FIZ1: variants seen among roughly 807,000 people sequenced by gnomAD.
FIZ1 encodes the protein FLT3 interacting zinc finger 1, also known as flt3-interacting zinc finger protein 1.
A neutral mutation model predicts 5.3 loss-of-function variants in FIZ1; 2 were observed. That is an observed-to-expected ratio of 0.37 (90% CI 0.15 to 1.18). The LOEUF (loss-of-function observed/expected upper bound fraction) is 1.18. FIZ1 is among the 50% of genes most tolerant of loss of function. FIZ1 has a pLI of 0.37. For synonymous variants in FIZ1, 407 were observed against 364.2 expected, an observed-to-expected ratio of 1.12 and a Z score of -1.34; for missense variants, 631 against 749.7, an observed-to-expected ratio of 0.84 and a Z score of 1.85.
In FIZ1 at chr19:55,592,838, G is replaced by A. The variant is rs759661669; in HGVS notation, c.1103C>T (p.Ala368Val). 1 of 1,563,322 alleles carries A rather than the reference G, an allele frequency of 6.4e-7. No homozygotes were observed. Among genetic ancestry groups the A allele is most frequent in the East Asian group, 2.3e-5 (1 of 42,916 alleles). The change falls in exon 3 of 3, where the codon GCG (alanine) becomes GTG (valine). Residue 368 changes from alanine to valine, a missense_variant. By Grantham distance (64) the Ala-to-Val change is moderately conservative. Transcript: ENST00000221665. This position sits in a 1 kb window ranked among gnomAD's most constrained non-coding sequence, Gnocchi z 6.9. ...GTGCTCCTCCAAGGCGGCCAGCGCC[G>A]CGTACAGAGCCCCGCAGTGGCCGCA... is the stretch of plus-strand genomic sequence containing the variant. ...YGCGHCGALY[A>V]ALAALEEHRR...
In FIZ1 at chr19:55,591,451, A is replaced by C. The variant is rs938638406; in HGVS notation, c.*999T>G. ...ACGAGGGGGCAAGGTCGAGGCTCAC[A>C]GGGGCACCCCCTAGCCAAATGCCCC... On this transcript the variant is annotated 3_prime_UTR_variant, in exon 3 of 3. Transcript: ENST00000221665. 1.3e-5 allele frequency: 2 copies of C among 152,370 alleles called. No homozygotes were observed. Among genetic ancestry groups the C allele is most frequent in the Admixed American group, 6.5e-5 (1 of 15,282 alleles). The allele number at this position is 152,370 out of a possible 1,614,324, so 9.4% of individuals were successfully genotyped here.
At chr19:55,595,315 C>G (rs775869741) in intron 2 of FIZ1, among the ~76,000 whole-genome samples, 4 of 152,142 alleles carry the variant, frequency 2.6e-5, no homozygotes, top group Non-Finnish European at 4.4e-5. Context: ...GTAGGGATCT[C>G]TATCCTCTTT....
At chr19:55,594,297 G>A (rs1408566322) in intron 2 of FIZ1, among the ~76,000 whole-genome samples, 1 of 151,782 alleles carries the variant, frequency 6.6e-6, no homozygotes, top group East Asian at 1.9e-4. Context: ...CACTCAGGAG[G>A]CTGAGGTAGA....
At position 55,593,165 on chromosome 19, in the gene FIZ1, G is replaced by T; in HGVS notation, c.776C>A (p.Pro259Gln). ...TGGCCCCGCGGCCCAGGCCTGCGCTGGGGGCGCGCCCGGGCCCTGCAGGTC... is the reference window on the plus strand; with the variant it reads ...TGGCCCCGCGGCCCAGGCCTGCGCTTGGGGCGCGCCCGGGCCCTGCAGGTC... ...THDLQGPGAPPAQAWAAGPGA... is the reference protein window; with the variant it reads ...THDLQGPGAPQAQAWAAGPGA... The change falls in exon 3 of 3, where the codon CCA becomes CAA. Residue 259 changes from proline (P) to glutamine (Q), a missense_variant. Physicochemically the swap from Pro to Gln is moderately conservative, Grantham distance 76. Around this residue, in one of 4 missense-constraint regions of FIZ1, gnomAD observed 463 missense variants for 455.1 expected, o/e 1.02. Coordinates refer to ENST00000221665, the MANE Select transcript of FIZ1 (RefSeq NM_032836.3). The surrounding 1 kb of genome is among the most constrained non-coding windows in gnomAD (Gnocchi z 6.3). The T allele has an allele frequency of 8.6e-7, 1 of 1,164,044 alleles. No homozygotes were observed. The highest frequency in any genetic ancestry group is 1.1e-6 in the Non-Finnish European group (1 of 940,286). 72.1% of individuals were successfully genotyped at this position (1,164,044 alleles called of 1,614,324 possible). A position where few individuals can be genotyped will look rare whatever the true frequency, so the allele number is the denominator to read the frequency against.
Position 55,593,018 on chromosome 19 carries a change from A to AGCCCCCCGAGCTTGGGCACGCC in FIZ1, c.901_922dup (p.Leu308ArgfsTer83). 2 of 1,450,312 alleles carry AGCCCCCCGAGCTTGGGCACGCC rather than the reference A, an allele frequency of 1.4e-6. No individual in the cohort carries two copies. The highest frequency in any genetic ancestry group is 1.8e-6 in the Non-Finnish European group (2 of 1,110,226). 89.8% of individuals were successfully genotyped at this position (1,450,312 alleles called of 1,614,324 possible). On this transcript the variant is annotated frameshift_variant, in exon 3 of 3. Transcript: ENST00000221665. LOFTEE classifies it low-confidence loss of function (END_TRUNC). This position sits in a 1 kb window ranked among gnomAD's most constrained non-coding sequence, Gnocchi z 6.3. ...CGCCTCCCCACCGCCCTCGGGGAGC[A>AGCCCCCCGAGCTTGGGCACGCC]GCCCCCCGAGCTTGGGCACGCCGCC...
intron 2 of FIZ1, among the ~76,000 whole-genome samples, chr19:55,595,122 G>A (rs981999340): frequency 6.6e-6 from 1 of 152,204 alleles, no homozygotes; most frequent in South Asian, 2.1e-4. Flanking sequence ...AACAGAGAGA[G>A]ATTTGTGAGT....
intron 2 of FIZ1, among the ~76,000 whole-genome samples, chr19:55,597,031 T>C (rs1426991009): frequency 6.6e-6 from 1 of 152,252 alleles, no homozygotes; most frequent in Non-Finnish European, 1.5e-5. Flanking sequence ...CTTGCCAGCA[T>C]ACTTGCTTTC....
Position 55,592,348 on chromosome 19 carries a change from T to G in FIZ1, c.*102A>C. 8.4e-7 allele frequency: 1 copy of G among 1,190,802 alleles called. No individual in the cohort carries two copies. Among genetic ancestry groups the G allele is most frequent in the Non-Finnish European group, 1.1e-6 (1 of 877,124 alleles). 73.8% of individuals were successfully genotyped at this position (1,190,802 alleles called of 1,614,324 possible). The stretch of plus-strand genomic sequence containing the variant: ...CTCATTTCAGGGCCTGCGTCTGGAT[T>G]TGGATTTGGAGGGCCGGGGCCTCAC... On this transcript the variant is annotated 3_prime_UTR_variant, in exon 3 of 3. Coordinates refer to ENST00000221665, the MANE Select transcript of FIZ1 (RefSeq NM_032836.3). The surrounding 1 kb of genome is among the most constrained non-coding windows in gnomAD (Gnocchi z 6.9).
chr19:55,594,855 G>T (rs10451452), intron 2 of FIZ1, among the ~76,000 whole-genome samples: 1 of 151,860 alleles, frequency 6.6e-6, no homozygotes, highest in African/African-American at 2.4e-5. Context: ...CTGAATACAG[G>T]CCTTAGGTGT....
Position 55,593,215 on chromosome 19 carries a change from C to T in FIZ1, c.726G>A (p.Leu242=). The T allele has an allele frequency of 8.2e-7, 1 of 1,221,528 alleles. No homozygotes were observed. Among genetic ancestry groups the T allele is most frequent in the Non-Finnish European group, 1.0e-6 (1 of 971,016 alleles). 75.7% of individuals were successfully genotyped at this position (1,221,528 alleles called of 1,614,324 possible). A position where few individuals can be genotyped will look rare whatever the true frequency, so the allele number is the denominator to read the frequency against. ...CGTGCGTCAGCTTGTGCCGCTCCAG[C>T]AGCGCGGGCGCGTTGAAGTCGCGCT... ...RCERDFNAPA[L]LERHKLTHDL... Residue 242 remains leucine, a synonymous_variant, in exon 3 of 3, where the codon CTG becomes CTA. Transcript: ENST00000221665. The surrounding 1 kb of genome is among the most constrained non-coding windows in gnomAD (Gnocchi z 6.3).
chr19:55,593,674 G>A lies in FIZ1; in HGVS notation c.295-28C>T, dbSNP rs759415322. The A allele has an allele frequency of 5.8e-6, 9 of 1,544,526 alleles. No individual in the cohort carries two copies. In the Admixed American group the frequency reaches 1.4e-4, roughly 24 times the overall value. ...AGGGGTGCGGGAGGAAGGGCACAAC[G>A]TCAGGGCTGAGAACCTAGCCCGGAC... On this transcript the variant is annotated intron_variant, in intron 2 of 2. Coordinates refer to ENST00000221665, the MANE Select transcript of FIZ1 (RefSeq NM_032836.3). The surrounding 1 kb of genome is among the most constrained non-coding windows in gnomAD (Gnocchi z 6.3).
Position 55,593,235 on chromosome 19 carries a change from C to T in FIZ1, c.706G>A (p.Asp236Asn). Residue 236 changes from aspartate to asparagine, a missense_variant, in exon 3 of 3, where the codon GAC (aspartate) becomes AAC (asparagine). By Grantham distance (23) the Asp-to-Asn change is conservative. Coordinates refer to ENST00000221665, the MANE Select transcript of FIZ1 (RefSeq NM_032836.3). The surrounding 1 kb of genome is among the most constrained non-coding windows in gnomAD (Gnocchi z 6.3). The part of the protein sequence containing the change: ...KPFKCPRCER[D>N]FNAPALLERH... ...TCCAGCAGCGCGGGCGCGTTGAAGTCGCGCTCGCAGCGCGGGCACTTGAAG... is the reference window on the plus strand; with the variant it reads ...TCCAGCAGCGCGGGCGCGTTGAAGTTGCGCTCGCAGCGCGGGCACTTGAAG... The T allele has an allele frequency of 8.0e-7, 1 of 1,246,824 alleles. No individual in the cohort carries two copies. The allele number at this position is 1,246,824 out of a possible 1,614,324, so 77.2% of individuals were successfully genotyped here.
At chr19:55,597,441 ATT>A (rs1980379909) in intron 2 of FIZ1, 129 bp downstream of exon 2, 2 of 1,432,496 alleles carry the variant, frequency 1.4e-6, no homozygotes, top group Non-Finnish European at 1.8e-6. Context: ...AGGGAGGGAC[ATT>A]TTCTAATGGG....
Position 55,593,058 on chromosome 19 carries a change from G to C in FIZ1, c.883C>G (p.Leu295Val). ...APLASDRRLLLGPAGGGVPKL... is the reference protein window; with the variant it reads ...APLASDRRLLVGPAGGGVPKL... ...GGCACGCCGCCCCCCGCGGGGCCCA[G>C]GAGCAGCCTGCGGTCCGAAGCCAGA... is the stretch of plus-strand genomic sequence containing the variant. The change falls in exon 3 of 3, where the codon CTG (leucine) becomes GTG (valine). Residue 295 changes from leucine to valine, a missense_variant. Transcript: ENST00000221665. The surrounding 1 kb of genome is among the most constrained non-coding windows in gnomAD (Gnocchi z 6.3). 3 of 1,375,004 alleles carry C rather than the reference G, an allele frequency of 2.2e-6. No homozygotes were observed. Among genetic ancestry groups the C allele is most frequent in the Non-Finnish European group, 2.8e-6 (3 of 1,073,724 alleles). The allele number at this position is 1,375,004 out of a possible 1,614,324, so 85.2% of individuals were successfully genotyped here.
chr19:55,597,949 A>G (rs1274338187), intron 1 of FIZ1, 48 bp from the exon 2 acceptor site: 29 of 1,475,470 alleles, frequency 2.0e-5, no homozygotes, highest in Non-Finnish European at 2.5e-5. Flanking sequence ...TCGGCTCCCC[A>G]TCAGCTCTCT....
chr19:55,598,220 A>C, intron 1 of FIZ1: 2 of 290,610 alleles, frequency 6.9e-6, no homozygotes. Flanking sequence ...AGCCTCTCCC[A>C]CTCTTCCTTA....
At chr19:55,596,354 C>T (rs959923654) in intron 2 of FIZ1, among the ~76,000 whole-genome samples, 7 of 152,136 alleles carry the variant, frequency 4.6e-5, no homozygotes, top group South Asian at 4.1e-4. Context: ...GAAAGACCAT[C>T]GGTAGATGCC....
At chr19:55,594,160 G>A (rs143045654) in intron 2 of FIZ1, among the ~76,000 whole-genome samples, 3,011 of 152,040 alleles carry the variant, frequency 0.02, 110 homozygotes, top group African/African-American at 0.069. Flanking sequence ...AGGCTGAAGT[G>A]GGTGGATCAT....
chr19:55,597,845 T>C lies in FIZ1; in HGVS notation c.21A>G (p.Pro7=). 1 of 1,593,338 alleles carries C rather than the reference T, an allele frequency of 6.3e-7. No individual in the cohort carries two copies. The highest frequency in any genetic ancestry group is 8.5e-7 in the Non-Finnish European group (1 of 1,170,722). Residue 7 remains proline, a synonymous_variant, in exon 2 of 3, where the codon CCA becomes CCG. Coordinates refer to ENST00000221665, the MANE Select transcript of FIZ1 (RefSeq NM_032836.3). ...CGGCGGGCGGTGCTGGTGCAGGGGT[T>C]GGGGCGGGGACGTCATCCATGGTGG... MDDVPA[P]TPAPAPPAAA...
Sources: allele counts gnomAD v4.1 joint callset (sites outside exome capture counted in the v4.1 genomes callset), GRCh38; gene constraint gnomAD v4.1.1; regional missense constraint gnomAD v4.1.1; non-coding constraint Gnocchi (gnomAD v3.1); transcripts MANE v1.5; gene names NCBI Gene and HGNC (gene_info 2026-07-23, HGNC 2026-07-21).